ARHGAP15: variants seen among roughly 807,000 people sequenced by gnomAD.
The protein encoded by ARHGAP15 is rho GTPase-activating protein 15.
A neutral mutation model predicts 63.7 loss-of-function variants in ARHGAP15; 51 were observed. That is an observed-to-expected ratio of 0.80 (90% confidence interval 0.64 to 1.01). The LOEUF (loss-of-function observed/expected upper bound fraction) is 1.01. ARHGAP15 is among the 50% of genes least tolerant of loss of function. The pLI, the probability that ARHGAP15 is intolerant of heterozygous loss-of-function variation, is 0.00. For synonymous variants in ARHGAP15, 191 were observed against 193.8 expected, an observed-to-expected ratio of 0.99 and a Z score of 0.12; for missense variants, 560 against 564.6, an observed-to-expected ratio of 0.99 and a Z score of 0.08.
intron 13 of ARHGAP15, among the ~76,000 whole-genome samples, chr2:143,747,268 C>G (rs958510586): frequency 1.3e-5 from 2 of 151,944 alleles, no homozygotes; most frequent in African/African-American, 2.4e-5. Context: ...AAAAAAAGAT[C>G]GGAGACTTCC....
At chr2:143,147,257 T>A (rs1482453483) in intron 1 of ARHGAP15, among the ~76,000 whole-genome samples, 1 of 152,086 alleles carries the variant, frequency 6.6e-6, no homozygotes, top group Non-Finnish European at 1.5e-5. Flanking sequence ...CTGTGGCTGC[T>A]GAGCAACTTG....
intron 5 of ARHGAP15, among the ~76,000 whole-genome samples, chr2:143,246,748 A>T (rs754313795): frequency 6.6e-5 from 10 of 152,066 alleles, no homozygotes; most frequent in African/African-American, 1.4e-4. Context: ...GAAGGAATTC[A>T]GAGACTGGGA....
intron 11 of ARHGAP15, chr2:143,572,049 G>A (rs1178414819): frequency 6.6e-6 from 1 of 152,124 alleles, no homozygotes; most frequent in African/African-American, 2.4e-5. Context: ...TTTCAGTACT[G>A]GTTTTAGTCT....
intron 3 of ARHGAP15, among the ~76,000 whole-genome samples, chr2:143,210,045 C>T (rs116951111): frequency 2.3e-4 from 35 of 152,240 alleles, no homozygotes; most frequent in East Asian, 1.2e-3. Context: ...TAAGTTATAA[C>T]GCAGAAATTG....
chr2:143,663,103 C>A (rs1681920855), intron 12 of ARHGAP15, among the ~76,000 whole-genome samples: 1 of 107,596 alleles, frequency 9.3e-6, no homozygotes, highest in Admixed American at 9.8e-5. Context: ...AACTCCAAGA[C>A]ACATAATTGT....
intron 7 of ARHGAP15, among the ~76,000 whole-genome samples, 198 bp downstream of exon 7, chr2:143,435,897 T>C (rs1022544319): frequency 9.9e-5 from 15 of 152,164 alleles, no homozygotes; most frequent in Non-Finnish European, 2.2e-4. Context: ...AATTTCTCTC[T>C]TTCAAAAATA....
intron 9 of ARHGAP15, among the ~76,000 whole-genome samples, chr2:143,516,494 C>T (rs951613550): frequency 4.6e-5 from 7 of 151,426 alleles, no homozygotes; most frequent in African/African-American, 1.7e-4. Context: ...TTTATGACAC[C>T]TGCTATATTC....
intron 6 of ARHGAP15, among the ~76,000 whole-genome samples, chr2:143,327,382 A>G (rs1297208087): frequency 3.9e-5 from 6 of 152,228 alleles, no homozygotes; most frequent in African/African-American, 1.4e-4. Context: ...TCATCACAGA[A>G]TTAGAAAAAA....
At chr2:143,466,113 C>T (rs1250498781) in intron 8 of ARHGAP15, among the ~76,000 whole-genome samples, 2 of 151,688 alleles carry the variant, frequency 1.3e-5, no homozygotes, top group Non-Finnish European at 1.5e-5. Flanking sequence ...AGGGTGAGCT[C>T]GGGTCCCAGC....
At chr2:143,579,652 G>C (rs183161240) in intron 11 of ARHGAP15, among the ~76,000 whole-genome samples, 48 of 152,190 alleles carry the variant, frequency 3.2e-4, no homozygotes, top group African/African-American at 1.0e-3. Context: ...ACTGCCCAGA[G>C]GCTATGCCCC....
chr2:143,405,461 C>T (rs528591789), intron 6 of ARHGAP15, among the ~76,000 whole-genome samples: 11 of 151,778 alleles, frequency 7.2e-5, no homozygotes, highest in African/African-American at 2.4e-4. Flanking sequence ...CTTTATAAAA[C>T]ATAAAAAATT....
intron 11 of ARHGAP15, among the ~76,000 whole-genome samples, chr2:143,561,163 T>TC (rs1234681563): frequency 2.0e-5 from 3 of 152,108 alleles, no homozygotes; most frequent in African/African-American, 7.2e-5. Context: ...TAGGCTAAAC[T>TC]CCCCCTCCTT....
chr2:143,275,014 A>AG (rs796332764), intron 6 of ARHGAP15, among the ~76,000 whole-genome samples: 7 of 151,848 alleles, frequency 4.6e-5, no homozygotes, highest in African/African-American at 1.7e-4. Context: ...TTAAAAAAAA[A>AG]AAAAATTAGC....
chr2:143,292,731 A>T (rs960266100), intron 6 of ARHGAP15, among the ~76,000 whole-genome samples: 6 of 152,030 alleles, frequency 3.9e-5, no homozygotes, highest in African/African-American at 1.4e-4. Flanking sequence ...ATTGATTTTT[A>T]AAAATAATTA....
chr2:143,323,008 A>C (rs1197073740), intron 6 of ARHGAP15, among the ~76,000 whole-genome samples: 1 of 152,216 alleles, frequency 6.6e-6, no homozygotes, highest in East Asian at 1.9e-4. Flanking sequence ...GAATAGTTAA[A>C]AGCTTGTATC....
Position 143,205,757 on chromosome 2 carries a change from G to A in ARHGAP15, c.234+3555G>A, listed in dbSNP as rs766839635. On this transcript the variant is annotated intron_variant, in intron 3 of 13. Transcript: ENST00000295095. ...TTAGTAGCAAACATATATCTAGGATGAGAACACATTTTCTTTATATTCTTT... is the reference window on the plus strand; with the variant it reads ...TTAGTAGCAAACATATATCTAGGATAAGAACACATTTTCTTTATATTCTTT... Among the ~76,000 whole-genome samples the A allele has an allele frequency of 1.6e-4, 25 of 152,132 alleles. 2 individuals carry two copies. In the Middle Eastern group the frequency reaches 0.024, roughly 145 times the overall value.
intron 6 of ARHGAP15, chr2:143,295,710 GA>G (rs1394786611): frequency 1.3e-5 from 2 of 151,930 alleles, no homozygotes; most frequent in African/African-American, 4.8e-5. Context: ...GCAATTTTAG[GA>G]ATTAGTGAGA....
chr2:143,410,339 C>A (rs1230312542), intron 6 of ARHGAP15, among the ~76,000 whole-genome samples: 1 of 152,082 alleles, frequency 6.6e-6, no homozygotes, highest in Non-Finnish European at 1.5e-5. Flanking sequence ...ACAAATTCAT[C>A]TTTGAGATGA....
At chr2:143,169,957 G>A (rs1690706780) in intron 2 of ARHGAP15, among the ~76,000 whole-genome samples, 1 of 151,968 alleles carries the variant, frequency 6.6e-6, no homozygotes, top group Non-Finnish European at 1.5e-5. Flanking sequence ...TCTTCATGAT[G>A]CAGATTCTAT....
Sources: gnomAD v4.1 joint callset for allele counts (sites outside exome capture counted in the v4.1 genomes callset) on GRCh38, gnomAD v4.1.1 for gene constraint, MANE v1.5 for transcripts, NCBI Gene and HGNC (gene_info 2026-07-23, HGNC 2026-07-21) for gene names.